The following EPHB3 variants were observed in gnomAD, a reference collection of about 807,000 sequenced individuals.
EPHB3 encodes the protein EPH receptor B3, also known as ephrin type-B receptor 3.
In EPHB3, 33 loss-of-function variants were observed where a neutral mutation model predicts 100.2. The ratio of observed to expected loss-of-function variants is 0.33; its 90% CI spans 0.25 to 0.44. The LOEUF is 0.44. Among genes scored for constraint, EPHB3 ranks in the 20% least tolerant of loss-of-function variants. The probability of loss-of-function intolerance (pLI) is 1.00; values close to 1 mark genes in which losing one functional copy is unlikely to be tolerated. For synonymous variants in EPHB3, 526 were observed against 554.7 expected (o/e 0.95, Z 0.73); for missense variants, 1,045 against 1,378.3 (o/e 0.76, Z 3.83).
In EPHB3 at chr3:184,581,956, G is replaced by T; in HGVS notation, c.*334G>T. The T allele has an allele frequency of 4.5e-6, 1 of 224,182 alleles. No homozygotes were observed. The highest frequency in any genetic ancestry group is 8.7e-6 in the Non-Finnish European group (1 of 114,690). The allele number at this position is 224,182 out of a possible 1,614,324, so 13.9% of individuals were successfully genotyped here. A position where few individuals can be genotyped will look rare whatever the true frequency, so the allele number is the denominator to read the frequency against. On this transcript the variant is annotated 3_prime_UTR_variant, in exon 16 of 16. Coordinates refer to ENST00000330394, the MANE Select transcript of EPHB3 (RefSeq NM_004443.4). ...TGGAGGTCCTGGCAGGGTCAGGCTG[G>T]GGTAAGCCGGGGTTCCACAGGGCCC...
At chr3:184,567,488 T>C (rs1406557788) in intron 1 of EPHB3, among the ~76,000 whole-genome samples, 3 of 142,026 alleles carry the variant, frequency 2.1e-5, no homozygotes, top group African/African-American at 7.5e-5. Flanking sequence ...AGGGTGTGTG[T>C]GTGTGTGTGT....
At chr3:184,568,948 G>GCTCCCTCC (rs71188825) in intron 1 of EPHB3, among the ~76,000 whole-genome samples, 28,680 of 149,118 alleles carry the variant, frequency 0.19, 2,952 homozygotes, top group East Asian at 0.31. Flanking sequence ...TGCCTCCCTC[G>GCTCCCTCC]CTCCCTCCCT....
Position 184,573,671 on chromosome 3 carries a change from G to A in EPHB3, c.856+495G>A, listed in dbSNP as rs185334566. 2.0e-4 allele frequency among the ~76,000 whole-genome samples: 30 copies of A among 151,734 alleles called. No individual in the cohort carries two copies. The Middle Eastern group carries it at 0.014, about 70-fold the overall frequency. On this transcript the variant is annotated intron_variant, in intron 3 of 15. Coordinates refer to ENST00000330394, the MANE Select transcript of EPHB3 (RefSeq NM_004443.4). The surrounding 1 kb of genome is among the most constrained non-coding windows in gnomAD (Gnocchi z 4.5). Reference sequence around the variant, plus strand: ...TTAGGGGCCCAGTCCCTGAAGTTGAGTCCTGACTCTGTCACTTACCACTTA... The same window carrying A: ...TTAGGGGCCCAGTCCCTGAAGTTGAATCCTGACTCTGTCACTTACCACTTA...
At position 184,565,036 on chromosome 3, in the gene EPHB3, C is replaced by A. The variant is rs1263197426; in HGVS notation, c.118+2683C>A. ...GCCCTGGCTGCTACCTCTCATGTAC[C>A]CCCTAGTTAGATGCTGTCTAGCACC... On this transcript the variant is annotated intron_variant, in intron 1 of 15. Coordinates refer to ENST00000330394, the MANE Select transcript of EPHB3 (RefSeq NM_004443.4). This position sits in a 1 kb window ranked among gnomAD's most constrained non-coding sequence, Gnocchi z 4.8. 6.6e-6 allele frequency among the ~76,000 whole-genome samples: 1 copy of A among 151,982 alleles called. No homozygotes were observed. The highest frequency in any genetic ancestry group is 1.5e-5 in the Non-Finnish European group (1 of 67,986).
In EPHB3 at chr3:184,571,393, C is replaced by T. The variant is rs763025509; in HGVS notation, c.183+11C>T. ...CATCCAGAAAGTGGGGTGAGGCTTT[C>T]CCATCATTCTCCTGAGTGTTGTTTG... On this transcript the variant is annotated intron_variant, in intron 2 of 15. Coordinates refer to ENST00000330394, the MANE Select transcript of EPHB3 (RefSeq NM_004443.4). This position sits in a 1 kb window ranked among gnomAD's most constrained non-coding sequence, Gnocchi z 5.0. 3 of 1,613,708 alleles carry T rather than the reference C, an allele frequency of 1.9e-6. No individual in the cohort carries two copies. The highest frequency in any genetic ancestry group is 2.5e-6 in the Non-Finnish European group (3 of 1,179,800).
Position 184,573,904 on chromosome 3 carries a change from C to T in EPHB3, c.856+728C>T, listed in dbSNP as rs1415277880. Among the ~76,000 whole-genome samples the T allele has an allele frequency of 4.0e-5, 6 of 151,838 alleles. No individual in the cohort carries two copies. Among genetic ancestry groups the T allele is most frequent in the Non-Finnish European group, 8.8e-5 (6 of 67,958 alleles). ...AGCTAATTTTGTATTTTTAGTAGAC[C>T]GGGTTTCACCATGTTGGTCAGGCTG... On this transcript the variant is annotated intron_variant, in intron 3 of 15. Coordinates refer to ENST00000330394, the MANE Select transcript of EPHB3 (RefSeq NM_004443.4). This position sits in a 1 kb window ranked among gnomAD's most constrained non-coding sequence, Gnocchi z 4.5.
At position 184,573,541 on chromosome 3, in the gene EPHB3, G is replaced by C. The variant is rs1714595620; in HGVS notation, c.856+365G>C. On this transcript the variant is annotated intron_variant, in intron 3 of 15. Coordinates refer to ENST00000330394, the MANE Select transcript of EPHB3 (RefSeq NM_004443.4). This position sits in a 1 kb window ranked among gnomAD's most constrained non-coding sequence, Gnocchi z 4.5. ...TGTATGCTTCACCCTGAAAGTGGTA[G>C]GTTGGCCCCAGGGCCAAGGGCACGG... Among the ~76,000 whole-genome samples the C allele has an allele frequency of 6.6e-6, 1 of 152,102 alleles. No homozygotes were observed. Among genetic ancestry groups the C allele is most frequent in the African/African-American group, 2.4e-5 (1 of 41,424 alleles).
rs376915139 is a variant in EPHB3, at chr3:184,572,855, C to A, written c.535C>A (p.Arg179Ser). ...TGCCGGCCGTGTCAACACCAAGGTG[C>A]GCAGCTTTGGGCCACTTTCCAAGGC... ...LDAGRVNTKVRSFGPLSKAGF... is the reference protein window; with the variant it reads ...LDAGRVNTKVSSFGPLSKAGF... The change falls in exon 3 of 16, where the codon CGC (arginine) becomes AGC (serine). Residue 179 changes from arginine to serine, a missense_variant. Physicochemically the swap from Arg to Ser is moderately radical, Grantham distance 110. Coordinates refer to ENST00000330394, the MANE Select transcript of EPHB3 (RefSeq NM_004443.4). The surrounding 1 kb of genome is among the most constrained non-coding windows in gnomAD (Gnocchi z 6.6). 6.4e-7 allele frequency: 1 copy of A among 1,563,576 alleles called. No homozygotes were observed. The highest frequency in any genetic ancestry group is 8.7e-7 in the Non-Finnish European group (1 of 1,154,834).
rs182108795 is a variant in EPHB3 at position 184,567,455 on chromosome 3, C to T, written c.119-3863C>T. ...CTTCCTCTACCCCACTGGAAGACAT[C>T]CCATAAACAGAACCATGCTTGCAGG... On this transcript the variant is annotated intron_variant, in intron 1 of 15. Coordinates refer to ENST00000330394, the MANE Select transcript of EPHB3 (RefSeq NM_004443.4). Among the ~76,000 whole-genome samples the T allele has an allele frequency of 3.3e-5, 5 of 151,786 alleles. No homozygotes were observed. In the East Asian group the frequency reaches 9.7e-4, roughly 29 times the overall value.
Position 184,571,429 on chromosome 3 carries a change from TC to T in EPHB3, c.183+53del, listed in dbSNP as rs752586342. 3 of 1,600,992 alleles carry T rather than the reference TC, an allele frequency of 1.9e-6. No individual in the cohort carries two copies. Among genetic ancestry groups the T allele is most frequent in the South Asian group, 1.1e-5 (1 of 90,476 alleles). ...CCTGAGTGTTGTTTGCCATTAGGCC[TC>T]CCCCCACTTCCAGCCTCCGTGCCCC... is the stretch of plus-strand genomic sequence containing the variant. On this transcript the variant is annotated intron_variant, in intron 2 of 15. Coordinates refer to ENST00000330394, the MANE Select transcript of EPHB3 (RefSeq NM_004443.4). The surrounding 1 kb of genome is among the most constrained non-coding windows in gnomAD (Gnocchi z 5.0).
chr3:184,580,383 G>C lies in EPHB3; in HGVS notation c.2173-19G>C, dbSNP rs1287930551. On this transcript the variant is annotated intron_variant, in intron 11 of 15. Transcript: ENST00000330394. ...TGATGGGAGCAATGGGCTCACCTGA[G>C]CCTGCTTGTTGCCTGCAGCTCAACG... 6.2e-7 allele frequency: 1 copy of C among 1,614,066 alleles called. No individual in the cohort carries two copies. Among genetic ancestry groups the C allele is most frequent in the African/African-American group, 1.3e-5 (1 of 74,946 alleles).
In EPHB3 at chr3:184,579,914, G is replaced by A. The variant is rs777166808; in HGVS notation, c.2152G>A (p.Ala718Thr). 6.8e-6 allele frequency: 11 copies of A among 1,613,460 alleles called. No individual in the cohort carries two copies. The highest frequency in any genetic ancestry group is 2.2e-5 in the South Asian group (2 of 91,052). ...CCTCACTGAGTTCATGGAAAACTGC[G>A]CCCTGGACTCCTTCCTCCGGGTAAG... ...MILTEFMENC[A>T]LDSFLRLNDG... Residue 718 changes from alanine to threonine, a missense_variant, in exon 11 of 16, where the codon GCC becomes ACC. By Grantham distance (58) the Ala-to-Thr change is moderately conservative. Around this residue, in one of 2 missense-constraint regions of EPHB3, gnomAD observed 985 missense variants for 1,331.1 expected, o/e 0.74. Coordinates refer to ENST00000330394, the MANE Select transcript of EPHB3 (RefSeq NM_004443.4). The surrounding 1 kb of genome is among the most constrained non-coding windows in gnomAD (Gnocchi z 5.2).
In EPHB3 at chr3:184,573,331, A is replaced by G. The variant is rs147652883; in HGVS notation, c.856+155A>G. Among the ~76,000 whole-genome samples the G allele has an allele frequency of 4.4e-4, 67 of 151,886 alleles. No homozygotes were observed. Among genetic ancestry groups the G allele is most frequent in the African/African-American group, 1.6e-3 (65 of 41,488 alleles). On this transcript the variant is annotated intron_variant, in intron 3 of 15. Transcript: ENST00000330394. This position sits in a 1 kb window ranked among gnomAD's most constrained non-coding sequence, Gnocchi z 4.5. ...AGAGGGAAGAGTGGGGATCAGATGCAGAGAATGTTGTGTAAGGAGGGAGAA... is the reference window on the plus strand; with the variant it reads ...AGAGGGAAGAGTGGGGATCAGATGCGGAGAATGTTGTGTAAGGAGGGAGAA...
At position 184,578,351 on chromosome 3, in the gene EPHB3, G is replaced by C; in HGVS notation, c.1749-63G>C. The C allele has an allele frequency of 6.2e-7, 1 of 1,610,620 alleles. No homozygotes were observed. The highest frequency in any genetic ancestry group is 8.5e-7 in the Non-Finnish European group (1 of 1,177,748). ...CCGCCCCTTCTGTGAGCCCAAGGGT[G>C]CCCTGAACAAAGGGAGGCAGATGAC... On this transcript the variant is annotated intron_variant, in intron 8 of 15. Transcript: ENST00000330394. This position sits in a 1 kb window ranked among gnomAD's most constrained non-coding sequence, Gnocchi z 4.7.
Position 184,565,852 on chromosome 3 carries a change from G to A in EPHB3, c.118+3499G>A, listed in dbSNP as rs1021767250. On this transcript the variant is annotated intron_variant, in intron 1 of 15. Coordinates refer to ENST00000330394, the MANE Select transcript of EPHB3 (RefSeq NM_004443.4). This position sits in a 1 kb window ranked among gnomAD's most constrained non-coding sequence, Gnocchi z 4.8. The stretch of plus-strand genomic sequence containing the variant: ...CTGCTGCTGCCACTGCAGCTTCAGC[G>A]GCTGCTGCGAGCTGAAGCCGAAGCT... Among the ~76,000 whole-genome samples, 3 of 152,258 alleles carry A rather than the reference G, an allele frequency of 2.0e-5. No individual in the cohort carries two copies. In the East Asian group the frequency reaches 5.8e-4, roughly 29 times the overall value.
Position 184,562,275 on chromosome 3 carries a change from C to A in EPHB3, c.40C>A (p.Pro14Thr). ...CCCGCCGCCGCCGCCGTCGCCGCCG[C>A]CGGGGCTTCTGCCGCTGCTCCCTCC... Reference protein sequence around the residue: ...ARPPPPPSPPPGLLPLLPPLL... With the variant: ...ARPPPPPSPPTGLLPLLPPLL... The change falls in exon 1 of 16, where the codon CCG (proline) becomes ACG (threonine). Residue 14 changes from proline (P) to threonine (T), a missense_variant. Coordinates refer to ENST00000330394, the MANE Select transcript of EPHB3 (RefSeq NM_004443.4). The surrounding 1 kb of genome is among the most constrained non-coding windows in gnomAD (Gnocchi z 4.8). 8.3e-7 allele frequency: 1 copy of A among 1,203,972 alleles called. No homozygotes were observed. Among genetic ancestry groups the A allele is most frequent in the Non-Finnish European group, 1.0e-6 (1 of 963,296 alleles). 74.6% of individuals were successfully genotyped at this position (1,203,972 alleles called of 1,614,324 possible).
At chr3:184,580,185 A>G (rs887441402) in intron 11 of EPHB3, among the ~76,000 whole-genome samples, 6 of 152,206 alleles carry the variant, frequency 3.9e-5, no homozygotes, top group African/African-American at 1.4e-4. Flanking sequence ...GTAGAATGGC[A>G]GTGGTAAGAG....
intron 3 of EPHB3, among the ~76,000 whole-genome samples, chr3:184,574,846 C>T (rs1009223465): frequency 6.6e-6 from 1 of 152,234 alleles, no homozygotes; most frequent in Non-Finnish European, 1.5e-5. Flanking sequence ...CCTCTGCCCC[C>T]TCCCCCACTG....
chr3:184,576,036 G>T, intron 4 of EPHB3, 51 bp downstream of exon 4: 1 of 1,543,792 alleles, frequency 6.5e-7, no homozygotes, highest in Non-Finnish European at 8.8e-7. Flanking sequence ...CCCTCTGGGG[G>T]GCCAGCCTGG....
Sources: allele counts gnomAD v4.1 joint callset (sites outside exome capture counted in the v4.1 genomes callset), GRCh38; gene constraint gnomAD v4.1.1; regional missense constraint gnomAD v4.1.1; non-coding constraint Gnocchi (gnomAD v3.1); transcripts MANE v1.5; gene names NCBI Gene and HGNC (gene_info 2026-07-23, HGNC 2026-07-21).